PCDH15: variants seen among roughly 807,000 people sequenced by gnomAD.
The protein encoded by PCDH15 is protocadherin related 15, also known as protocadherin-15.
PCDH15 carries 129 observed loss-of-function variants against 178.5 expected under a neutral mutation model. That is an observed-to-expected ratio of 0.72 (90% CI 0.63 to 0.84). PCDH15 has a LOEUF of 0.84. Ranked by LOEUF, PCDH15 falls within the 40% of genes least tolerant of loss-of-function variation. The pLI is 0.00. For missense variants in PCDH15, 2,230 were observed against 2,099.9 expected, an observed-to-expected ratio of 1.06 and a Z score of -1.21; for synonymous variants, 800 against 732.0, an observed-to-expected ratio of 1.09 and a Z score of -1.50.
intron 3 of PCDH15, among the ~76,000 whole-genome samples, chr10:54,882,091 C>T (rs574436094): frequency 1.8e-4 from 27 of 151,888 alleles, no homozygotes; most frequent in East Asian, 1.5e-3. Flanking sequence ...TATTTAATAC[C>T]GAATTCATAT....
chr10:54,745,918 C>T (rs1024727709), intron 1 of PCDH15, among the ~76,000 whole-genome samples: 2 of 152,042 alleles, frequency 1.3e-5, no homozygotes, highest in African/African-American at 4.8e-5. Context: ...ATATGGCAGT[C>T]TAACAAGGAA....
chr10:55,528,037 A>AT (rs1057222403), intron 2 of PCDH15, among the ~76,000 whole-genome samples: 7 of 150,866 alleles, frequency 4.6e-5, no homozygotes, highest in East Asian at 3.9e-4. Context: ...TTTTACAAAA[A>AT]TTTTTTTTTA....
intron 8 of PCDH15, among the ~76,000 whole-genome samples, chr10:54,253,218 C>T (rs1255550144): frequency 2.6e-5 from 4 of 151,964 alleles, no homozygotes; most frequent in South Asian, 4.1e-4. Context: ...ATAAAAATAA[C>T]TTTGTTTTGA....
chr10:54,997,343 T>C (rs1163709364), intron 2 of PCDH15, among the ~76,000 whole-genome samples: 3 of 152,178 alleles, frequency 2.0e-5, no homozygotes, highest in African/African-American at 4.8e-5. Flanking sequence ...ATCTAACAAA[T>C]TGGCTTTTAA....
At chr10:54,933,189 C>A (rs1273579019) in intron 2 of PCDH15, among the ~76,000 whole-genome samples, 1 of 148,526 alleles carries the variant, frequency 6.7e-6, no homozygotes, top group East Asian at 2.1e-4. Context: ...GATGTTCATA[C>A]AACAAAATCT....
chr10:53,953,861 C>T (rs1383322017), intron 23 of PCDH15, among the ~76,000 whole-genome samples: 1 of 152,188 alleles, frequency 6.6e-6, no homozygotes, highest in Admixed American at 6.5e-5. Context: ...GCAATCTCAG[C>T]TCACTGCAAG....
At chr10:54,084,083 C>CTT (rs34480492) in intron 16 of PCDH15, among the ~76,000 whole-genome samples, 4 of 148,274 alleles carry the variant, frequency 2.7e-5, no homozygotes, top group African/African-American at 9.9e-5. Flanking sequence ...TTAATGTGCA[C>CTT]TTTTTTTTTT....
chr10:55,349,451 GTTACAAAATGACTGC>G (rs1433550601), intron 2 of PCDH15, among the ~76,000 whole-genome samples: 5 of 152,054 alleles, frequency 3.3e-5, no homozygotes, highest in African/African-American at 1.2e-4. Flanking sequence ...TCTCTTGCCA[GTTACAAAATGACTGC>G]TTCCTGGTGC....
At chr10:54,083,021 A>G (rs1199967283) in intron 16 of PCDH15, among the ~76,000 whole-genome samples, 3 of 152,156 alleles carry the variant, frequency 2.0e-5, no homozygotes, top group African/African-American at 7.2e-5. Context: ...GTCATTAGTC[A>G]TCAGGCAAAT....
chr10:55,066,623 G>C (rs988545874), intron 2 of PCDH15, among the ~76,000 whole-genome samples: 1 of 148,784 alleles, frequency 6.7e-6, no homozygotes, highest in African/African-American at 2.4e-5. Flanking sequence ...GAATGCAAAG[G>C]TAACTTTTTT....
At chr10:55,005,407 C>A (rs147850144) in intron 2 of PCDH15, among the ~76,000 whole-genome samples, 3 of 152,076 alleles carry the variant, frequency 2.0e-5, no homozygotes, top group Admixed American at 6.6e-5. Context: ...AATTTGAATT[C>A]TTTTAGCAGA....
chr10:55,378,917 C>T (rs557450006), intron 2 of PCDH15, among the ~76,000 whole-genome samples: 64 of 150,474 alleles, frequency 4.3e-4, no homozygotes, highest in African/African-American at 1.6e-3. Flanking sequence ...CTCACATATG[C>T]CCTTAATGTA....
chr10:54,832,848 G>T (rs984079114), intron 3 of PCDH15, among the ~76,000 whole-genome samples: 1 of 152,062 alleles, frequency 6.6e-6, no homozygotes. Context: ...TCACAGAAGT[G>T]GTGACACTAT....
chr10:53,878,183 A>G (rs935542598), intron 26 of PCDH15, among the ~76,000 whole-genome samples: 10 of 108,952 alleles, frequency 9.2e-5, no homozygotes, highest in Middle Eastern at 8.2e-3. Flanking sequence ...ATACTATGGC[A>G]CACACACACA....
chr10:54,345,882 A>G (rs986581115), intron 6 of PCDH15, among the ~76,000 whole-genome samples: 3 of 151,706 alleles, frequency 2.0e-5, no homozygotes, highest in Non-Finnish European at 4.4e-5. Context: ...CAACAAAATA[A>G]AACAGACTAT....
intron 2 of PCDH15, among the ~76,000 whole-genome samples, chr10:55,332,933 T>G (rs1014457161): frequency 1.3e-5 from 2 of 152,124 alleles, no homozygotes; most frequent in African/African-American, 4.8e-5. Flanking sequence ...GAAAACAAAC[T>G]AATACACCTG....
At chr10:54,055,667 T>TC (rs1379110889) in intron 18 of PCDH15, among the ~76,000 whole-genome samples, 1 of 151,896 alleles carries the variant, frequency 6.6e-6, no homozygotes, top group Non-Finnish European at 1.5e-5. Context: ...TCCACTTCCC[T>TC]CCCCCCTCAA....
chr10:55,624,908 G>C lies in PCDH15; in HGVS notation c.-156+2717C>G, dbSNP rs539193453. ...TTAATGGAAATGAAGAAATTTACTA[G>C]AAAAAAAATGATTGTAGGCACTGTT... On this transcript the variant is annotated intron_variant, in intron 2 of 5. Coordinates refer to the PCDH15 transcript ENST00000613346. 2.6e-5 allele frequency among the ~76,000 whole-genome samples: 4 copies of C among 151,804 alleles called. No homozygotes were observed. In the South Asian group the frequency reaches 8.3e-4, roughly 32 times the overall value.
At chr10:53,902,342 T>A (rs2082386943) in intron 26 of PCDH15, among the ~76,000 whole-genome samples, 1 of 152,088 alleles carries the variant, frequency 6.6e-6, no homozygotes, top group Admixed American at 6.6e-5. Flanking sequence ...AGAAGAGCTC[T>A]AATCATGGTG....
Sources: gnomAD v4.1 joint callset for allele counts (sites outside exome capture counted in the v4.1 genomes callset) on GRCh38, gnomAD v4.1.1 for gene constraint, MANE v1.5 for transcripts, NCBI Gene and HGNC (gene_info 2026-07-23, HGNC 2026-07-21) for gene names.